Variants in ARID4A observed in about 807,000 individuals in gnomAD.
The protein encoded by ARID4A is AT-rich interactive domain-containing protein 4A.
A neutral mutation model predicts 148.6 loss-of-function variants in ARID4A; 39 were observed. The ratio of observed to expected loss-of-function variants is 0.26; its 90% CI spans 0.20 to 0.34. ARID4A has a LOEUF of 0.34. ARID4A is among the 10% of genes least tolerant of loss of function. The probability of loss-of-function intolerance (pLI) is 1.00; values close to 1 mark genes in which losing one functional copy is unlikely to be tolerated. For missense variants in ARID4A, 1,265 were observed against 1,449.1 expected (o/e 0.87, Z 2.06); for synonymous variants, 475 against 481.2 (o/e 0.99, Z 0.17).
chr14:58,361,130 T>C, intron 19 of ARID4A, 88 bp downstream of exon 19: 1 of 1,473,412 alleles, frequency 6.8e-7, no homozygotes, highest in Non-Finnish European at 9.0e-7. Flanking sequence ...TGGCTGACTT[T>C]AAAAAAAATC....
Position 58,347,683 on chromosome 14 carries a change from A to T in ARID4A, c.1209A>T (p.Ala403=), listed in dbSNP as rs1396759553. 1 of 1,612,418 alleles carries T rather than the reference A, an allele frequency of 6.2e-7. No individual in the cohort carries two copies. The highest frequency in any genetic ancestry group is 1.7e-5 in the Admixed American group (1 of 59,830). The part of the protein sequence containing the change: ...LYGFEEYCRS[A]NIQFRTVHHH... ...GTTTTGAGGAGTACTGCCGTTCGGCAAATATTCAGTTCAGAACTGTTCATC... is the reference window on the plus strand; with the variant it reads ...GTTTTGAGGAGTACTGCCGTTCGGCTAATATTCAGTTCAGAACTGTTCATC... The change falls in exon 15 of 24, where the codon GCA becomes GCT. Residue 403 remains alanine, a synonymous_variant. Transcript: ENST00000355431.
At position 58,362,387 on chromosome 14, in the gene ARID4A, C is replaced by T. The variant is rs1027106210; in HGVS notation, c.2080+1345C>T. On this transcript the variant is annotated intron_variant, in intron 19 of 23. Coordinates refer to ENST00000355431, the MANE Select transcript of ARID4A (RefSeq NM_002892.4). ...AAGGATCACTTGAGCCCAGGAGTTC[C>T]AGACCAGCCAGGGCAACATAGTGAG... is the stretch of plus-strand genomic sequence containing the variant. 2.6e-5 allele frequency among the ~76,000 whole-genome samples: 4 copies of T among 152,114 alleles called. No individual in the cohort carries two copies. In the South Asian group the frequency reaches 6.2e-4, roughly 24 times the overall value.
chr14:58,365,552 A>G lies in ARID4A; in HGVS notation c.3246A>G (p.Leu1082=), dbSNP rs376464398. 2.0e-5 allele frequency: 31 copies of G among 1,575,686 alleles called. No individual in the cohort carries two copies. The highest frequency in any genetic ancestry group is 2.6e-5 in the Non-Finnish European group (30 of 1,163,028). The change falls in exon 21 of 24, where the codon TTA becomes TTG. Residue 1082 remains leucine (L), a synonymous_variant. Coordinates refer to ENST00000355431, the MANE Select transcript of ARID4A (RefSeq NM_002892.4). ...QKRPSDGNSG[L]MAKKQKRTPK... Reference sequence around the variant, plus strand: ...GGCCAAGTGATGGAAATAGTGGATTAATGGCAAAAAAGCAAAAGCGTACCC... The same window carrying G: ...GGCCAAGTGATGGAAATAGTGGATTGATGGCAAAAAAGCAAAAGCGTACCC...
intron 3 of ARID4A, among the ~76,000 whole-genome samples, chr14:58,302,626 C>T (rs773613402): frequency 6.6e-6 from 1 of 152,092 alleles, no homozygotes; most frequent in Non-Finnish European, 1.5e-5. Context: ...CCACTGCACT[C>T]CAGCCTGGGT....
At chr14:58,355,184 C>G (rs1475568374) in intron 17 of ARID4A, among the ~76,000 whole-genome samples, 1 of 152,148 alleles carries the variant, frequency 6.6e-6, no homozygotes, top group Non-Finnish European at 1.5e-5. Context: ...TTATTTGGAG[C>G]CAGACTGCTC....
At chr14:58,304,202 ATTCAT>A (rs948304250) in intron 3 of ARID4A, among the ~76,000 whole-genome samples, 2 of 152,162 alleles carry the variant, frequency 1.3e-5, no homozygotes, top group Admixed American at 1.3e-4. Context: ...GTCAATTGAC[ATTCAT>A]TTCTTTTTGT....
intron 7 of ARID4A, among the ~76,000 whole-genome samples, chr14:58,323,281 C>T (rs2033015308): frequency 6.6e-6 from 1 of 152,010 alleles, no homozygotes; most frequent in South Asian, 2.1e-4. Context: ...GCGAAGTGGA[C>T]TCAGAGTTAC....
In ARID4A at chr14:58,364,934, A is replaced by G. The variant is rs113896764; in HGVS notation, c.2845A>G (p.Met949Val). 12 of 1,614,170 alleles carry G rather than the reference A, an allele frequency of 7.4e-6. No individual in the cohort carries two copies. Among genetic ancestry groups the G allele is most frequent in the South Asian group, 2.2e-5 (2 of 91,084 alleles). The change falls in exon 20 of 24, where the codon ATG (methionine) becomes GTG (valine). Residue 949 changes from methionine (M) to valine (V), a missense_variant. Coordinates refer to ENST00000355431, the MANE Select transcript of ARID4A (RefSeq NM_002892.4). Reference protein sequence around the residue: ...NIPLKEDEDAMPLIGPETLVC... With the variant: ...NIPLKEDEDAVPLIGPETLVC... ...TCCACTAAAAGAAGATGAGGATGCA[A>G]TGCCTCTGATCGGGCCTGAAACCTT...
intron 7 of ARID4A, 34 bp downstream of exon 7, chr14:58,318,839 A>G (rs1471379480): frequency 7.2e-6 from 11 of 1,529,878 alleles, no homozygotes; most frequent in Non-Finnish European, 9.9e-6. Context: ...CATTTTAATT[A>G]CAATTATTAT....
At chr14:58,324,319 A>G (rs2033097616) in intron 8 of ARID4A, among the ~76,000 whole-genome samples, 1 of 152,230 alleles carries the variant, frequency 6.6e-6, no homozygotes, top group Non-Finnish European at 1.5e-5. Flanking sequence ...TCTGTTTCCC[A>G]GGCTGGAGTG....
chr14:58,348,580 A>G (rs756929298), intron 15 of ARID4A, among the ~76,000 whole-genome samples: 1 of 152,172 alleles, frequency 6.6e-6, no homozygotes, highest in African/African-American at 2.4e-5. Flanking sequence ...AGGAATTGTC[A>G]TCTAGCATTT....
At chr14:58,311,529 A>C (rs1434883161) in intron 5 of ARID4A, among the ~76,000 whole-genome samples, 1 of 152,126 alleles carries the variant, frequency 6.6e-6, no homozygotes, top group African/African-American at 2.4e-5. Context: ...AATAGCATAG[A>C]AGTTCCTCAA....
chr14:58,355,211 A>G (rs4901852), intron 17 of ARID4A, among the ~76,000 whole-genome samples: 56,389 of 151,952 alleles, frequency 0.37, 10,591 homozygotes, highest in East Asian at 0.5. Context: ...TTCTCTATAC[A>G]CTAGATGTGT....
intron 8 of ARID4A, among the ~76,000 whole-genome samples, chr14:58,325,689 C>T (rs932231473): frequency 6.6e-6 from 1 of 152,062 alleles, no homozygotes. Flanking sequence ...CTGTAAAGAG[C>T]TGAAAGTATA....
chr14:58,341,916 C>G (rs1279100048), intron 11 of ARID4A, among the ~76,000 whole-genome samples: 1 of 152,112 alleles, frequency 6.6e-6, no homozygotes, highest in Non-Finnish European at 1.5e-5. Context: ...TCTAGTGGAC[C>G]TCTACCTCCC....
Position 58,359,145 on chromosome 14 carries a change from G to A in ARID4A, c.1867G>A (p.Val623Met). 2 of 1,581,276 alleles carry A rather than the reference G, an allele frequency of 1.3e-6. No homozygotes were observed. Among genetic ancestry groups the A allele is most frequent in the East Asian group, 2.3e-5 (1 of 44,332 alleles). The change falls in exon 18 of 24, where the codon GTG (valine) becomes ATG (methionine). Residue 623 changes from valine to methionine, a missense_variant. Val to Met is a conservative substitution (Grantham distance 21). Around this residue, in one of 9 missense-constraint regions of ARID4A, gnomAD observed 666 missense variants for 730.9 expected, o/e 0.91. Coordinates refer to ENST00000355431, the MANE Select transcript of ARID4A (RefSeq NM_002892.4). The stretch of plus-strand genomic sequence containing the variant: ...TTTTTTTTTAAGGTATGATGAGTGG[G>A]TGAAGGCTGACAGGATAATCTGGCC... ...YGWNVRYDEW[V>M]KADRIIWPLD...
intron 17 of ARID4A, among the ~76,000 whole-genome samples, chr14:58,356,804 C>T (rs1290890560): frequency 2.7e-5 from 4 of 150,870 alleles, no homozygotes; most frequent in African/African-American, 7.3e-5. Context: ...TGGGTTCAAG[C>T]GATTCTCCTG....
Position 58,318,798 on chromosome 14 carries a change from C to T in ARID4A, c.442C>T (p.Leu148Phe). The T allele has an allele frequency of 1.2e-6, 2 of 1,611,916 alleles. No individual in the cohort carries two copies. Among genetic ancestry groups the T allele is most frequent in the Non-Finnish European group, 1.7e-6 (2 of 1,178,154 alleles). Residue 148 changes from leucine to phenylalanine, a missense_variant, in exon 7 of 24, where the codon CTT becomes TTT. By Grantham distance (22) the Leu-to-Phe change is conservative. Coordinates refer to ENST00000355431, the MANE Select transcript of ARID4A (RefSeq NM_002892.4). ...GACGAACAGAGGAAGGAGATCTTCT[C>T]TTCCTGTGTGAGTTTTTTCATATAT... ...KKTNRGRRSS[L>F]PVTEDEKEEE...
chr14:58,322,980 A>AAAAAAAATAT (rs1255021613), intron 7 of ARID4A, among the ~76,000 whole-genome samples: 10 of 114,280 alleles, frequency 8.8e-5, no homozygotes, highest in East Asian at 4.8e-4. Flanking sequence ...AAAAAAAAAA[A>AAAAAAAATAT]ATATATATAT....
Sources: allele counts gnomAD v4.1 joint callset (sites outside exome capture counted in the v4.1 genomes callset), GRCh38; gene constraint gnomAD v4.1.1; regional missense constraint gnomAD v4.1.1; transcripts MANE v1.5; gene names NCBI Gene and HGNC (gene_info 2026-07-23, HGNC 2026-07-21).